The following CCSER1 variants were observed in gnomAD, a reference collection of about 807,000 sequenced individuals.
The protein encoded by CCSER1 is coiled-coil serine rich protein 1.
In CCSER1, 41 loss-of-function variants were observed where a neutral mutation model predicts 82.0. The observed-to-expected ratio is 0.50, with a 90% CI of 0.39 to 0.65. The LOEUF is 0.65. Ranked by LOEUF, CCSER1 falls within the 30% of genes least tolerant of loss-of-function variation. The pLI is 0.00. For missense variants in CCSER1, 1,119 were observed against 1,064.2 expected (o/e 1.05, Z -0.72); for synonymous variants, 414 against 383.9 (o/e 1.08, Z -0.92).
intron 10 of CCSER1, among the ~76,000 whole-genome samples, chr4:91,125,661 G>T (rs1431038279): frequency 1.3e-5 from 2 of 151,402 alleles, no homozygotes; most frequent in Non-Finnish European, 3.0e-5. Flanking sequence ...ATTTAACATA[G>T]CCCAGGAGAT....
intron 9 of CCSER1, among the ~76,000 whole-genome samples, chr4:90,988,675 T>C (rs2150440847): frequency 6.6e-6 from 1 of 151,970 alleles, no homozygotes; most frequent in East Asian, 1.9e-4. Flanking sequence ...TATAAATACT[T>C]ATAATGACAT....
At chr4:90,946,208 C>A (rs950894189) in intron 9 of CCSER1, among the ~76,000 whole-genome samples, 1 of 152,108 alleles carries the variant, frequency 6.6e-6, no homozygotes, top group Admixed American at 6.5e-5. Context: ...TTTAAGTCCT[C>A]GAAGAGAATA....
At chr4:90,350,759 G>A (rs906864420) in intron 3 of CCSER1, among the ~76,000 whole-genome samples, 6 of 152,056 alleles carry the variant, frequency 3.9e-5, no homozygotes, top group African/African-American at 1.4e-4. Context: ...AAAAGATCTT[G>A]AAGTACACAA....
At chr4:90,247,786 T>C (rs1431153946) in intron 1 of CCSER1, among the ~76,000 whole-genome samples, 2 of 151,988 alleles carry the variant, frequency 1.3e-5, no homozygotes, top group African/African-American at 4.8e-5. Context: ...TAGTCAGTTT[T>C]ATATATATTA....
intron 10 of CCSER1, among the ~76,000 whole-genome samples, chr4:91,177,359 T>C (rs1190229940): frequency 6.6e-6 from 1 of 152,210 alleles, no homozygotes; most frequent in Non-Finnish European, 1.5e-5. Context: ...GGATTCCCTC[T>C]TTTTCTGTTC....
chr4:90,771,367 C>T (rs1193917329), intron 7 of CCSER1, among the ~76,000 whole-genome samples: 1 of 150,542 alleles, frequency 6.6e-6, no homozygotes, highest in Admixed American at 6.6e-5. Flanking sequence ...ATTGAGGGAC[C>T]ACTTTTTAAA....
At chr4:91,159,963 A>G (rs958194531) in intron 10 of CCSER1, among the ~76,000 whole-genome samples, 1 of 151,924 alleles carries the variant, frequency 6.6e-6, no homozygotes, top group Non-Finnish European at 1.5e-5. Flanking sequence ...TTTGTTACCT[A>G]GGTATACATG....
chr4:91,246,586 C>T (rs1254374722), intron 10 of CCSER1, among the ~76,000 whole-genome samples: 1 of 152,130 alleles, frequency 6.6e-6, no homozygotes, highest in Non-Finnish European at 1.5e-5. Context: ...TATCTGCACT[C>T]CTATGTTTGT....
intron 1 of CCSER1, among the ~76,000 whole-genome samples, chr4:90,152,190 A>G (rs960536273): frequency 4.6e-5 from 7 of 152,184 alleles, no homozygotes; most frequent in African/African-American, 9.7e-5. Context: ...TCTCTGCTCT[A>G]TCACCTGAGA....
At chr4:91,008,106 T>C (rs1581322192) in intron 9 of CCSER1, among the ~76,000 whole-genome samples, 2 of 152,290 alleles carry the variant, frequency 1.3e-5, no homozygotes, top group East Asian at 3.9e-4. Context: ...TAATATACTT[T>C]TAATTTTTAA....
intron 10 of CCSER1, among the ~76,000 whole-genome samples, chr4:91,594,374 TATATACACACATATATAC>T (rs1764433933): frequency 7.3e-6 from 1 of 137,712 alleles, no homozygotes; most frequent in African/African-American, 2.6e-5. Context: ...TATACACATA[TATATACACACATATATAC>T]ATATATACAC....
At chr4:90,523,788 G>A (rs1773418622) in intron 5 of CCSER1, among the ~76,000 whole-genome samples, 2 of 151,960 alleles carry the variant, frequency 1.3e-5, no homozygotes, top group South Asian at 4.2e-4. Flanking sequence ...TTTCCTAAAA[G>A]TTTGTGGAAG....
intron 1 of CCSER1, among the ~76,000 whole-genome samples, chr4:90,298,939 CT>C (rs1336995876): frequency 2.0e-5 from 3 of 152,050 alleles, no homozygotes; most frequent in Non-Finnish European, 4.4e-5. Flanking sequence ...CTTCTTTCTT[CT>C]TTTACCACTA....
At chr4:91,280,788 C>T (rs1742857355) in intron 10 of CCSER1, among the ~76,000 whole-genome samples, 1 of 152,120 alleles carries the variant, frequency 6.6e-6, no homozygotes, top group Admixed American at 6.5e-5. Context: ...CACTTGGGCT[C>T]TGACAGCAGC....
At chr4:91,360,719 A>T (rs1319309181) in intron 10 of CCSER1, among the ~76,000 whole-genome samples, 3 of 151,818 alleles carry the variant, frequency 2.0e-5, no homozygotes, top group African/African-American at 7.2e-5. Context: ...AAAAACAGAG[A>T]GAGAGAGAAA....
chr4:91,008,166 A>G (rs1738688025), intron 9 of CCSER1, among the ~76,000 whole-genome samples: 1 of 152,136 alleles, frequency 6.6e-6, no homozygotes, highest in African/African-American at 2.4e-5. Flanking sequence ...TATTCTGGAT[A>G]ATGTTCCATG....
chr4:90,728,490 G>A (rs1045475263), intron 7 of CCSER1, among the ~76,000 whole-genome samples: 1 of 152,136 alleles, frequency 6.6e-6, no homozygotes, highest in Non-Finnish European at 1.5e-5. Flanking sequence ...GAGCCACTTT[G>A]CTTAAGCAGG....
chr4:91,434,931 A>C (rs1754556169), intron 10 of CCSER1, among the ~76,000 whole-genome samples: 1 of 152,198 alleles, frequency 6.6e-6, no homozygotes, highest in Admixed American at 6.5e-5. Flanking sequence ...AAATTTATTT[A>C]GAGCACTTTT....
intron 4 of CCSER1, among the ~76,000 whole-genome samples, chr4:90,420,270 A>G (rs1475355754): frequency 6.6e-6 from 1 of 152,032 alleles, no homozygotes; most frequent in African/African-American, 2.4e-5. Context: ...TTAAAATAGT[A>G]ACATTCACCT....
Sources: allele counts gnomAD v4.1 joint callset (sites outside exome capture counted in the v4.1 genomes callset), GRCh38; gene constraint gnomAD v4.1.1; transcripts MANE v1.5; gene names NCBI Gene and HGNC (gene_info 2026-07-23, HGNC 2026-07-21).